The following PTPRO variants were observed in gnomAD, a reference collection of about 807,000 sequenced individuals.
PTPRO encodes protein tyrosine phosphatase receptor type O.
In PTPRO, 62 loss-of-function variants were observed where a neutral mutation model predicts 145.2. The ratio of observed to expected loss-of-function variants is 0.43; its 90% CI spans 0.35 to 0.53. The LOEUF (loss-of-function observed/expected upper bound fraction) is 0.53. PTPRO is among the 20% of genes least tolerant of loss of function. The pLI is 0.01. For synonymous variants in PTPRO, 565 were observed against 514.7 expected (o/e 1.10, Z -1.32); for missense variants, 1,345 against 1,482.7 (o/e 0.91, Z 1.53).
At chr12:15,383,016 A>G (rs1938912408) in intron 1 of PTPRO, among the ~76,000 whole-genome samples, 1 of 152,230 alleles carries the variant, frequency 6.6e-6, no homozygotes, top group Non-Finnish European at 1.5e-5. Flanking sequence ...ACAATACAAT[A>G]TTATTAACAA....
intron 10 of PTPRO, among the ~76,000 whole-genome samples, chr12:15,523,380 C>T (rs1470279066): frequency 6.6e-6 from 1 of 152,146 alleles, no homozygotes; most frequent in Admixed American, 6.5e-5. Context: ...TCAGAGTTAG[C>T]AGTTACTTTA....
At chr12:15,530,083 A>T (rs903848401) in intron 12 of PTPRO, among the ~76,000 whole-genome samples, 1 of 152,232 alleles carries the variant, frequency 6.6e-6, no homozygotes, top group Non-Finnish European at 1.5e-5. Context: ...AGCTATGCTT[A>T]TATTAGATAA....
At chr12:15,335,620 A>C (rs963164055) in intron 1 of PTPRO, among the ~76,000 whole-genome samples, 29 of 152,268 alleles carry the variant, frequency 1.9e-4, no homozygotes, top group African/African-American at 7.0e-4. Context: ...GCTTTGCTAA[A>C]ATAATCACAA....
chr12:15,579,386 G>T (rs1404481792), intron 20 of PTPRO, among the ~76,000 whole-genome samples: 2 of 152,186 alleles, frequency 1.3e-5, no homozygotes, highest in East Asian at 1.9e-4. Flanking sequence ...GGAAAAAAAG[G>T]TAATATAAAG....
intron 1 of PTPRO, among the ~76,000 whole-genome samples, chr12:15,340,806 C>G (rs540893690): frequency 6.6e-6 from 1 of 152,260 alleles, no homozygotes; most frequent in East Asian, 1.9e-4. Flanking sequence ...TTTTACACCT[C>G]AGATTGGCCT....
intron 14 of PTPRO, among the ~76,000 whole-genome samples, chr12:15,550,739 C>A (rs1377713533): frequency 6.6e-6 from 1 of 152,168 alleles, no homozygotes; most frequent in Non-Finnish European, 1.5e-5. Context: ...ATCAGATGCA[C>A]CTGCTCATTC....
chr12:15,564,445 T>C (rs546049293), intron 17 of PTPRO, among the ~76,000 whole-genome samples: 2 of 152,294 alleles, frequency 1.3e-5, no homozygotes, highest in Admixed American at 1.3e-4. Context: ...GACCACCCAC[T>C]AGGTGTTTCA....
intron 7 of PTPRO, among the ~76,000 whole-genome samples, chr12:15,511,711 G>A (rs1470587235): frequency 6.6e-6 from 1 of 152,082 alleles, no homozygotes; most frequent in Non-Finnish European, 1.5e-5. Context: ...GACTACAGGT[G>A]CACACCACCA....
chr12:15,433,404 T>C (rs967412041), intron 1 of PTPRO, among the ~76,000 whole-genome samples: 11 of 152,116 alleles, frequency 7.2e-5, no homozygotes, highest in Non-Finnish European at 1.6e-4. Context: ...AGGATGGTCT[T>C]GATCTCCTGA....
In PTPRO at chr12:15,565,450, G is replaced by GTAAT. The variant is rs146181413; in HGVS notation, c.2712-140_2712-139insTTAA. ...TTATTATCTTCTCATGTAAGGAAAA[G>GTAAT]TAAACAAACCTGATATGTGTTTAAT... On this transcript the variant is annotated intron_variant, in intron 17 of 26. Coordinates refer to ENST00000281171, the MANE Select transcript of PTPRO (RefSeq NM_030667.3). The GTAAT allele has an allele frequency of 0.023, 13,167 of 579,124 alleles. 1,012 individuals carry two copies. The highest frequency in any genetic ancestry group is 0.19 in the African/African-American group (9,999 of 53,182). 35.9% of individuals were successfully genotyped at this position (579,124 alleles called of 1,614,324 possible).
chr12:15,413,088 C>T (rs757128822), intron 1 of PTPRO, among the ~76,000 whole-genome samples: 3 of 151,952 alleles, frequency 2.0e-5, no homozygotes, highest in African/African-American at 4.8e-5. Flanking sequence ...CCACCATGCC[C>T]GGCCTTGTTT....
intron 1 of PTPRO, among the ~76,000 whole-genome samples, chr12:15,329,320 C>G (rs1447087017): frequency 6.6e-6 from 1 of 152,168 alleles, no homozygotes; most frequent in Non-Finnish European, 1.5e-5. Flanking sequence ...AACCAGATGT[C>G]AGAGAATTCA....
intron 1 of PTPRO, among the ~76,000 whole-genome samples, chr12:15,427,189 C>G (rs1404673969): frequency 6.6e-6 from 1 of 151,932 alleles, no homozygotes; most frequent in African/African-American, 2.4e-5. Flanking sequence ...ATTCCCTGTT[C>G]TTTCTATCTG....
At chr12:15,460,852 C>T (rs1941284693) in intron 1 of PTPRO, among the ~76,000 whole-genome samples, 1 of 152,148 alleles carries the variant, frequency 6.6e-6, no homozygotes, top group African/African-American at 2.4e-5. Context: ...ACCTGTGCTC[C>T]AAGGTCTTTT....
Position 15,508,686 on chromosome 12 carries a change from CA to C in PTPRO, c.1384del (p.Ser462AlafsTer9). 1 of 1,614,102 alleles carries C rather than the reference CA, an allele frequency of 6.2e-7. No individual in the cohort carries two copies. The highest frequency in any genetic ancestry group is 8.5e-7 in the Non-Finnish European group (1 of 1,180,000). On this transcript the variant is annotated frameshift_variant, in exon 7 of 27. Coordinates refer to ENST00000281171, the MANE Select transcript of PTPRO (RefSeq NM_030667.3). LOFTEE classifies it high-confidence loss of function. ...GGACATCTTCCCAAGAGAACTACAA[CA>C]GCACCATTGTGTCTGTGGTGTCGCT... ...SWTSSQENYNSTIVSVVSLTC... is the reference protein window; with the variant it reads ...SWTSSQENYNXTIVSVVSLTC...
chr12:15,548,617 A>C (rs1943365310), intron 13 of PTPRO, among the ~76,000 whole-genome samples: 1 of 151,966 alleles, frequency 6.6e-6, no homozygotes, highest in African/African-American at 2.4e-5. Flanking sequence ...CATTGTTTGC[A>C]ATAGCAAAAA....
chr12:15,591,548 A>G (rs1229060768), intron 25 of PTPRO, among the ~76,000 whole-genome samples: 1 of 152,164 alleles, frequency 6.6e-6, no homozygotes. Flanking sequence ...CAAAGCCAAG[A>G]AAACGTTTTG....
intron 1 of PTPRO, among the ~76,000 whole-genome samples, chr12:15,411,289 C>T (rs1939791294): frequency 6.6e-6 from 1 of 152,168 alleles, no homozygotes; most frequent in Non-Finnish European, 1.5e-5. Context: ...TCCATGTTTG[C>T]TTCCATTGTC....
intron 1 of PTPRO, chr12:15,439,757 GA>G: frequency 1.7e-6 from 1 of 577,466 alleles, no homozygotes; most frequent in Non-Finnish European, 3.3e-6. Context: ...CAAGTCCCTG[GA>G]GGAGATCTAC....
Sources: allele counts gnomAD v4.1 joint callset (sites outside exome capture counted in the v4.1 genomes callset), GRCh38; gene constraint gnomAD v4.1.1; transcripts MANE v1.5; gene names NCBI Gene and HGNC (gene_info 2026-07-23, HGNC 2026-07-21).